The following IKBKB variants were observed in gnomAD, a reference collection of about 807,000 sequenced individuals.
IKBKB encodes inhibitor of nuclear factor kappa-B kinase subunit beta.
Under a neutral mutation model 113.6 loss-of-function variants are expected in IKBKB, and 42 were observed. The observed-to-expected ratio is 0.37, with a 90% CI of 0.29 to 0.48. The LOEUF (loss-of-function observed/expected upper bound fraction) is 0.48. IKBKB is among the 20% of genes least tolerant of loss of function. IKBKB has a pLI of 0.99. For missense variants in IKBKB, 673 were observed against 939.7 expected (o/e 0.72, Z 3.71); for synonymous variants, 296 against 361.3 (o/e 0.82, Z 2.05).
intron 4 of IKBKB, among the ~76,000 whole-genome samples, chr8:42,292,419 G>A (rs578176033): frequency 6.6e-6 from 1 of 152,240 alleles, no homozygotes; most frequent in Non-Finnish European, 1.5e-5. Context: ...CATCCTAAGG[G>A]ACCCCTGTCC....
intron 2 of IKBKB, among the ~76,000 whole-genome samples, chr8:42,282,184 G>A (rs1810498820): frequency 1.3e-5 from 2 of 152,030 alleles, no homozygotes; most frequent in East Asian, 1.9e-4. Flanking sequence ...TTGTTGTTTT[G>A]TGTGTGTTTA....
Position 42,271,318 on chromosome 8 carries a change from A to C in IKBKB, c.-170A>C. 1 of 971,044 alleles carries C rather than the reference A, an allele frequency of 1.0e-6. No individual in the cohort carries two copies. Among genetic ancestry groups the C allele is most frequent in the East Asian group, 2.6e-5 (1 of 38,168 alleles). 60.2% of individuals were successfully genotyped at this position (971,044 alleles called of 1,614,324 possible). A position where few individuals can be genotyped will look rare whatever the true frequency, so the allele number is the denominator to read the frequency against. On this transcript the variant is annotated 5_prime_UTR_variant, in exon 1 of 22. Coordinates refer to ENST00000520810, the MANE Select transcript of IKBKB (RefSeq NM_001556.3). ...ACGTGCTCCGTGACGTCAGAGCAGG[A>C]AGTGTTTGAGGAAGTCGCGCCGCGC...
intron 2 of IKBKB, among the ~76,000 whole-genome samples, chr8:42,286,472 G>A (rs201517446): frequency 6.6e-6 from 1 of 152,264 alleles, no homozygotes; most frequent in East Asian, 1.9e-4. Context: ...ACAGTCCTCT[G>A]TGTGTCTTTT....
chr8:42,304,952 G>A (rs1816202894), intron 5 of IKBKB, among the ~76,000 whole-genome samples: 1 of 152,204 alleles, frequency 6.6e-6, no homozygotes, highest in East Asian at 1.9e-4. Context: ...ACTGCTCTAG[G>A]CTGCAGTTGG....
intron 2 of IKBKB, chr8:42,272,420 G>A (rs1807975983): frequency 3.3e-6 from 2 of 614,688 alleles, no homozygotes. Flanking sequence ...TAAATAAATA[G>A]TAAAATAAAG....
intron 14 of IKBKB, 34 bp downstream of exon 14, chr8:42,319,455 C>T: frequency 6.2e-7 from 1 of 1,612,962 alleles, no homozygotes. Context: ...TTTAAAGACA[C>T]CATTTTTTTT....
At chr8:42,274,425 A>G (rs968996782) in intron 2 of IKBKB, among the ~76,000 whole-genome samples, 3 of 152,002 alleles carry the variant, frequency 2.0e-5, no homozygotes, top group African/African-American at 7.2e-5. Context: ...GTACCCATTA[A>G]CCAGTCTCTC....
At position 42,326,029 on chromosome 8, in the gene IKBKB, C is replaced by A. The variant is rs1820673104; in HGVS notation, c.2046C>A (p.Ser682Arg). 2 of 1,614,244 alleles carry A rather than the reference C, an allele frequency of 1.2e-6. No homozygotes were observed. Among genetic ancestry groups the A allele is most frequent in the African/African-American group, 2.7e-5 (2 of 75,066 alleles). Residue 682 changes from serine (S) to arginine (R), a missense_variant, in exon 20 of 22, where the codon AGC (serine) becomes AGA (arginine). Around this residue, in one of 2 missense-constraint regions of IKBKB, gnomAD observed 506 missense variants for 638.7 expected, o/e 0.79. Coordinates refer to ENST00000520810, the MANE Select transcript of IKBKB (RefSeq NM_001556.3). Reference sequence around the variant, plus strand: ...ATAGCATGAATGCCTCTCGACTTAGCCAGCCTGGGCAGCTGATGTCTCAGC... The same window carrying A: ...ATAGCATGAATGCCTCTCGACTTAGACAGCCTGGGCAGCTGATGTCTCAGC... ...SPDSMNASRL[S>R]QPGQLMSQPS... is the part of the protein sequence containing the mutation.
chr8:42,327,648 T>C (rs74678787), intron 20 of IKBKB, among the ~76,000 whole-genome samples: 4 of 150,004 alleles, frequency 2.7e-5, no homozygotes, highest in African/African-American at 9.8e-5. Flanking sequence ...TTTTTTTTTT[T>C]TGAAATGGAG....
intron 2 of IKBKB, among the ~76,000 whole-genome samples, chr8:42,273,467 T>G (rs948661022): frequency 6.6e-6 from 1 of 151,700 alleles, no homozygotes; most frequent in Admixed American, 6.6e-5. Context: ...TATGATGTCT[T>G]CCCAGTATTG....
Position 42,329,159 on chromosome 8 carries a change from C to T in IKBKB, c.2150C>T (p.Thr717Ile). The T allele has an allele frequency of 7.5e-6, 12 of 1,605,678 alleles. No individual in the cohort carries two copies. The highest frequency in any genetic ancestry group is 1.7e-5 in the Admixed American group (1 of 57,936). ...ELVAEAHNLC[T>I]LLENAIQDTV... ...GTGGCTGAAGCACATAACCTCTGCA[C>T]CCTGCTAGAAAATGCCATACAGGAC... The change falls in exon 21 of 22, where the codon ACC becomes ATC. Residue 717 changes from threonine (T) to isoleucine (I), a missense_variant. Physicochemically the swap from Thr to Ile is moderately conservative, Grantham distance 89. Transcript: ENST00000520810.
At chr8:42,297,131 C>G (rs1330659414) in intron 5 of IKBKB, among the ~76,000 whole-genome samples, 1 of 152,208 alleles carries the variant, frequency 6.6e-6, no homozygotes, top group African/African-American at 2.4e-5. Context: ...TCTCCGCCAC[C>G]TTTTGGGTGC....
chr8:42,329,522 C>A, intron 21 of IKBKB: 1 of 882,016 alleles, frequency 1.1e-6, no homozygotes, highest in Non-Finnish European at 1.4e-6. Context: ...TTTTCTAGTA[C>A]ACATTTTTTA....
chr8:42,330,775 T>C (rs1436611259), intron 21 of IKBKB, 139 bp from the exon 22 acceptor site: 78 of 1,479,522 alleles, frequency 5.3e-5, no homozygotes, highest in Non-Finnish European at 6.5e-5. Flanking sequence ...CCCAAAGTGT[T>C]GGGATTATAG....
chr8:42,290,926 C>T (rs1004959541), intron 4 of IKBKB, among the ~76,000 whole-genome samples: 6 of 152,194 alleles, frequency 3.9e-5, no homozygotes, highest in African/African-American at 1.4e-4. Context: ...GCCCTCCTCC[C>T]CATTGTTCCC....
chr8:42,290,940 G>GAC (rs1294321620), intron 4 of IKBKB, among the ~76,000 whole-genome samples: 1 of 152,184 alleles, frequency 6.6e-6, no homozygotes, highest in East Asian at 1.9e-4. Flanking sequence ...TGTTCCCTAT[G>GAC]ACAGTACCAC....
At chr8:42,295,664 T>TG (rs991785724) in intron 5 of IKBKB, among the ~76,000 whole-genome samples, 2 of 151,852 alleles carry the variant, frequency 1.3e-5, no homozygotes, top group African/African-American at 4.8e-5. Flanking sequence ...GCGGAGAGGT[T>TG]GCAGTAAGCC....
chr8:42,314,729 C>T (rs1383278855), intron 9 of IKBKB, among the ~76,000 whole-genome samples: 2 of 150,220 alleles, frequency 1.3e-5, no homozygotes, highest in Non-Finnish European at 2.9e-5. Flanking sequence ...GAGCTGAGAT[C>T]GTGCCACTGT....
intron 16 of IKBKB, chr8:42,321,491 C>G (rs1819773730): frequency 6.2e-6 from 1 of 161,820 alleles, no homozygotes; most frequent in South Asian, 1.8e-4. Context: ...TCTAATTAAC[C>G]CTTTATTCTC....
Sources: gnomAD v4.1 joint callset for allele counts (sites outside exome capture counted in the v4.1 genomes callset) on GRCh38, gnomAD v4.1.1 for gene constraint, gnomAD v4.1.1 regional missense constraint, MANE v1.5 for transcripts, NCBI Gene and HGNC (gene_info 2026-07-23, HGNC 2026-07-21) for gene names.